Variants in ROBO2 observed in about 807,000 individuals in gnomAD.
ROBO2 encodes the protein roundabout guidance receptor 2, also known as roundabout homolog 2.
ROBO2 carries 53 observed loss-of-function variants against 160.8 expected under a neutral mutation model. The ratio of observed to expected loss-of-function variants is 0.33; its 90% CI spans 0.26 to 0.41. ROBO2 has a LOEUF of 0.41. Among genes scored for constraint, ROBO2 ranks in the 10% least tolerant of loss-of-function variants. The pLI is 1.00. For missense variants in ROBO2, 1,577 were observed against 1,722.4 expected (o/e 0.92, Z 1.49); for synonymous variants, 664 against 611.7 (o/e 1.09, Z -1.26).
chr3:76,182,701 C>T (rs2107113712), intron 2 of ROBO2, among the ~76,000 whole-genome samples: 1 of 152,254 alleles, frequency 6.6e-6, no homozygotes. Context: ...TATAGTACAC[C>T]TAAAGTCAGG....
intron 2 of ROBO2, among the ~76,000 whole-genome samples, chr3:76,630,840 C>T (rs568724702): frequency 1.2e-4 from 18 of 152,164 alleles, no homozygotes; most frequent in South Asian, 2.1e-4. Context: ...TTTCTTAAAC[C>T]GTGGTTATCC....
At chr3:76,501,963 G>C (rs1386598452) in intron 2 of ROBO2, among the ~76,000 whole-genome samples, 1 of 151,724 alleles carries the variant, frequency 6.6e-6, no homozygotes, top group Non-Finnish European at 1.5e-5. Flanking sequence ...GAATTAATTT[G>C]AAAGTTTTCA....
At chr3:76,903,736 A>G (rs2075391858) in intron 2 of ROBO2, among the ~76,000 whole-genome samples, 1 of 152,070 alleles carries the variant, frequency 6.6e-6, no homozygotes, top group South Asian at 2.1e-4. Flanking sequence ...ATTGCTATTG[A>G]TTATTCTTGT....
intron 2 of ROBO2, among the ~76,000 whole-genome samples, chr3:76,865,460 A>G (rs903045469): frequency 1.3e-5 from 2 of 152,104 alleles, no homozygotes; most frequent in Non-Finnish European, 2.9e-5. Flanking sequence ...GTGGACTAGC[A>G]ATTGTCCACG....
chr3:77,142,222 G>T (rs1579341176), intron 2 of ROBO2, among the ~76,000 whole-genome samples: 1 of 152,134 alleles, frequency 6.6e-6, no homozygotes, highest in African/African-American at 2.4e-5. Flanking sequence ...ATTATAAAGA[G>T]AATCCATTTA....
At chr3:77,001,149 T>C (rs2061317766) in intron 2 of ROBO2, among the ~76,000 whole-genome samples, 1 of 152,198 alleles carries the variant, frequency 6.6e-6, no homozygotes, top group African/African-American at 2.4e-5. Flanking sequence ...TCTAAAATTA[T>C]GTTGCATAAA....
At chr3:75,931,771 C>T (rs1011872685) in intron 1 of ROBO2, among the ~76,000 whole-genome samples, 9 of 152,012 alleles carry the variant, frequency 5.9e-5, no homozygotes, top group South Asian at 4.1e-4. Context: ...CCCTGCTTGA[C>T]TTTGCATGTG....
intron 16 of ROBO2, among the ~76,000 whole-genome samples, chr3:77,583,780 A>G (rs1181554285): frequency 6.6e-6 from 1 of 151,994 alleles, no homozygotes; most frequent in African/African-American, 2.4e-5. Context: ...AAATTTTGTG[A>G]TCTTTTGAAG....
rs144322297 is a variant in ROBO2, at chr3:76,481,426, C to A, written c.109+543824C>A. Among the ~76,000 whole-genome samples the A allele has an allele frequency of 1.0e-3, 152 of 152,228 alleles. 2 individuals carry two copies. The East Asian group carries it at 0.025, about 25-fold the overall frequency. ...GTTAGGGTAGCAAGAAGACACTGAG[C>A]AACTGGAACATGAGAAGATAATGTG... On this transcript the variant is annotated intron_variant, in intron 2 of 26. Coordinates refer to the ROBO2 transcript ENST00000487694.
chr3:77,602,528 A>G (rs753469884), intron 20 of ROBO2, 37 bp downstream of exon 21: 1 of 1,608,842 alleles, frequency 6.2e-7, no homozygotes, highest in Non-Finnish European at 8.5e-7. Context: ...AGGTATTTTC[A>G]TATCATTTGT....
chr3:76,456,432 C>T (rs1464671116), intron 2 of ROBO2, among the ~76,000 whole-genome samples: 1 of 152,100 alleles, frequency 6.6e-6, no homozygotes, highest in Non-Finnish European at 1.5e-5. Context: ...CTCAAACTGA[C>T]TAATGCAATT....
Position 77,186,115 on chromosome 3 carries a change from C to T in ROBO2, c.388+87775C>T, listed in dbSNP as rs182845091. ...GGGTGATGGGTGCACCCAAATCTCA[C>T]CATCACCGTGAAATAACTTGCTCAT... On this transcript the variant is annotated intron_variant, in intron 2 of 25. Transcript: ENST00000461745. Among the ~76,000 whole-genome samples the T allele has an allele frequency of 5.3e-5, 8 of 151,942 alleles. No homozygotes were observed. In the East Asian group the frequency reaches 1.5e-3, roughly 29 times the overall value.
intron 2 of ROBO2, among the ~76,000 whole-genome samples, chr3:76,032,186 T>A (rs2066945184): frequency 6.6e-6 from 1 of 152,182 alleles, no homozygotes; most frequent in South Asian, 2.1e-4. Flanking sequence ...TGTATTTCTG[T>A]GGGATCGGTG....
chr3:76,277,918 C>T (rs1485999686), intron 2 of ROBO2, among the ~76,000 whole-genome samples: 6 of 150,680 alleles, frequency 4.0e-5, no homozygotes, highest in Non-Finnish European at 8.9e-5. Flanking sequence ...TTGAAAGTTA[C>T]AGTTTTTTGT....
chr3:77,622,356 AG>A lies in ROBO2; in HGVS notation c.3685del (p.Glu1229LysfsTer6). On this transcript the variant is annotated frameshift_variant, in exon 23 of 26. Transcript: ENST00000461745. LOFTEE classifies it high-confidence loss of function. Reference sequence around the variant, plus strand: ...ATGCCGACGACGAAGAGGAAGCTTTAGAAATCCCCAGGCCCCTGAGAGCACT... The same window carrying A: ...ATGCCGACGACGAAGAGGAAGCTTTAAAATCCCCAGGCCCCTGAGAGCACT... 6.2e-7 allele frequency: 1 copy of A among 1,614,058 alleles called. No individual in the cohort carries two copies. Among genetic ancestry groups the A allele is most frequent in the Non-Finnish European group, 8.5e-7 (1 of 1,179,996 alleles).
intron 2 of ROBO2, among the ~76,000 whole-genome samples, chr3:77,392,394 T>C (rs953506507): frequency 6.6e-6 from 1 of 152,244 alleles, no homozygotes; most frequent in African/African-American, 2.4e-5. Context: ...CATTCTGCCA[T>C]GGATCCAAAC....
intron 2 of ROBO2, among the ~76,000 whole-genome samples, chr3:77,336,579 T>G (rs2066520014): frequency 1.3e-5 from 2 of 152,036 alleles, no homozygotes; most frequent in Non-Finnish European, 2.9e-5. Flanking sequence ...GTGGATGGAC[T>G]AGGATTGGGA....
chr3:77,282,156 T>TC (rs2060285837), intron 2 of ROBO2, among the ~76,000 whole-genome samples: 2 of 151,978 alleles, frequency 1.3e-5, no homozygotes, highest in Non-Finnish European at 2.9e-5. Flanking sequence ...ACCATTTTTT[T>TC]CTAAATACTT....
At chr3:77,157,050 G>A (rs1560126744) in intron 2 of ROBO2, among the ~76,000 whole-genome samples, 1 of 152,032 alleles carries the variant, frequency 6.6e-6, no homozygotes, top group Non-Finnish European at 1.5e-5. Context: ...TGACCAAACA[G>A]GTGATGTCAA....
Sources: gnomAD v4.1 joint callset for allele counts (sites outside exome capture counted in the v4.1 genomes callset) on GRCh38, gnomAD v4.1.1 for gene constraint, MANE v1.5 for transcripts, NCBI Gene and HGNC (gene_info 2026-07-23, HGNC 2026-07-21) for gene names.